The following ZNF431 variants were observed in gnomAD, a reference collection of about 807,000 sequenced individuals.
The protein encoded by ZNF431 is zinc finger protein 431.
In ZNF431, 34 loss-of-function variants were observed where a neutral mutation model predicts 57.0. The observed-to-expected ratio is 0.60, with a 90% CI of 0.45 to 0.79. The LOEUF is 0.79. ZNF431 is among the 30% of genes least tolerant of loss of function. The probability of loss-of-function intolerance (pLI) is 0.00; values close to 1 mark genes in which losing one functional copy is unlikely to be tolerated. For missense variants in ZNF431, 607 were observed against 667.1 expected, an observed-to-expected ratio of 0.91 and a Z score of 0.99; for synonymous variants, 207 against 220.3, an observed-to-expected ratio of 0.94 and a Z score of 0.54.
At chr19:21,152,251 A>G (rs889623512) in intron 2 of ZNF431, among the ~76,000 whole-genome samples, 1 of 152,192 alleles carries the variant, frequency 6.6e-6, no homozygotes, top group East Asian at 1.9e-4. Flanking sequence ...AAAAGAGAGA[A>G]AAAGCATTGT....
Position 21,165,437 on chromosome 19 carries a change from A to ATAT in ZNF431, c.97-898_97-897insTAT, listed in dbSNP as rs749005707. ...CGGGAGATATCTTGACCTTTGCATAAAACTGATTTTTTAATGGTTAAATTC... is the reference window on the plus strand; with the variant it reads ...CGGGAGATATCTTGACCTTTGCATAATATAACTGATTTTTTAATGGTTAAATTC... On this transcript the variant is annotated intron_variant, in intron 2 of 4. Coordinates refer to ENST00000311048, the MANE Select transcript of ZNF431 (RefSeq NM_133473.4). Among the ~76,000 whole-genome samples the ATAT allele has an allele frequency of 2.6e-5, 4 of 152,348 alleles. No homozygotes were observed. The East Asian group carries it at 7.7e-4, about 29-fold the overall frequency.
chr19:21,158,174 T>C (rs1970473529), intron 2 of ZNF431, among the ~76,000 whole-genome samples: 2 of 152,114 alleles, frequency 1.3e-5, no homozygotes, highest in Admixed American at 1.3e-4. Context: ...CATAACATGT[T>C]TTTTTAATTT....
At chr19:21,147,724 A>C (rs1486921005) in intron 2 of ZNF431, among the ~76,000 whole-genome samples, 1 of 152,124 alleles carries the variant, frequency 6.6e-6, no homozygotes, top group Non-Finnish European at 1.5e-5. Flanking sequence ...ATGTTCTTAG[A>C]AGAGACATAA....
chr19:21,142,210 C>T (rs1969958675), intron 1 of ZNF431, 24 bp downstream of exon 1: 2 of 1,613,040 alleles, frequency 1.2e-6, no homozygotes, highest in East Asian at 2.2e-5. Context: ...GTCGGACATC[C>T]CGAGAGAGGG....
At chr19:21,175,887 C>T (rs2145028360) in intron 4 of ZNF431, among the ~76,000 whole-genome samples, 3 of 152,290 alleles carry the variant, frequency 2.0e-5, no homozygotes, top group Middle Eastern at 6.8e-3. Context: ...AATGAAGATA[C>T]ACATCCATGT....
Position 21,189,988 on chromosome 19 carries a change from A to G in ZNF431, c.*5954A>G. On this transcript the variant is annotated 3_prime_UTR_variant, in exon 5 of 5. Coordinates refer to ENST00000311048, the MANE Select transcript of ZNF431 (RefSeq NM_133473.4). Reference sequence around the variant, plus strand: ...GAAAAACCCCATCTCTACTAAAAATACAAAAACAACAAAACAAAAACAAAA... The same window carrying G: ...GAAAAACCCCATCTCTACTAAAAATGCAAAAACAACAAAACAAAAACAAAA... 2.5e-6 allele frequency: 1 copy of G among 396,420 alleles called. No homozygotes were observed. The highest frequency in any genetic ancestry group is 4.4e-6 in the Non-Finnish European group (1 of 225,164). The allele number at this position is 396,420 out of a possible 1,614,324, so 24.6% of individuals were successfully genotyped here. A position where few individuals can be genotyped will look rare whatever the true frequency, so the allele number is the denominator to read the frequency against.
chr19:21,161,460 C>T (rs530115963), intron 2 of ZNF431, among the ~76,000 whole-genome samples: 14 of 151,902 alleles, frequency 9.2e-5, no homozygotes, highest in Non-Finnish European at 1.9e-4. Flanking sequence ...CCTAGAAAAC[C>T]TTGAGAGATT....
At chr19:21,174,925 C>G (rs1208580889) in intron 4 of ZNF431, among the ~76,000 whole-genome samples, 1 of 151,892 alleles carries the variant, frequency 6.6e-6, no homozygotes, top group Non-Finnish European at 1.5e-5. Context: ...GGTGTAGTGG[C>G]TAATTTTTGT....
rs761370746 is a variant in ZNF431 at position 21,167,664 on chromosome 19, C to T, written c.317C>T (p.Pro106Leu). The T allele has an allele frequency of 1.9e-5, 30 of 1,552,618 alleles. No homozygotes were observed. Among genetic ancestry groups the T allele is most frequent in the Non-Finnish European group, 2.4e-5 (28 of 1,148,574 alleles). Residue 106 changes from proline (P) to leucine (L), a missense_variant and splice_region_variant, in exon 4 of 5, where the codon CCA (proline) becomes CTA (leucine). Physicochemically the swap from Pro to Leu is moderately conservative, Grantham distance 98. Transcript: ENST00000311048. Reference sequence around the variant, plus strand: ...AGACATGAGATGGTGGATGAACCCCCAGGTAGGTGAGAGTGAAAAAAAACA... The same window carrying T: ...AGACATGAGATGGTGGATGAACCCCTAGGTAGGTGAGAGTGAAAAAAAACA... The part of the protein sequence containing the change: ...MKRHEMVDEP[P>L]AMCSYFTKDL...
At chr19:21,143,419 C>T (rs1969995603) in intron 1 of ZNF431, 132 bp from the exon 2 acceptor site, 1 of 692,528 alleles carries the variant, frequency 1.4e-6, no homozygotes, top group African/African-American at 1.8e-5. Context: ...GGTGATGTGT[C>T]CTCAGCCACC....
At chr19:21,145,726 T>TA (rs1010512456) in intron 2 of ZNF431, among the ~76,000 whole-genome samples, 3 of 151,566 alleles carry the variant, frequency 2.0e-5, no homozygotes, top group Admixed American at 6.6e-5. Context: ...TAGATTTATG[T>TA]AAAAAAAAAT....
chr19:21,164,504 T>C (rs1422160253), intron 2 of ZNF431, among the ~76,000 whole-genome samples: 1 of 152,172 alleles, frequency 6.6e-6, no homozygotes, highest in Admixed American at 6.6e-5. Flanking sequence ...TTGGTCTTGG[T>C]CCTTCTGTGT....
At position 21,183,646 on chromosome 19, in the gene ZNF431, T is replaced by C. The variant is rs773358498; in HGVS notation, c.1343T>C (p.Ile448Thr). Residue 448 changes from isoleucine (I) to threonine (T), a missense_variant, in exon 5 of 5, where the codon ATA becomes ACA. Ile to Thr is a moderately conservative substitution (Grantham distance 89). Transcript: ENST00000311048. ...TCCCCACAACTTACTGCACATAAGATAATTCATACTGGAGAGAAACCTTAC... is the reference window on the plus strand; with the variant it reads ...TCCCCACAACTTACTGCACATAAGACAATTCATACTGGAGAGAAACCTTAC... ...NRSPQLTAHK[I>T]IHTGEKPYKC... 6.8e-6 allele frequency: 11 copies of C among 1,612,944 alleles called. No individual in the cohort carries two copies. Among genetic ancestry groups the C allele is most frequent in the Middle Eastern group, 1.6e-4 (1 of 6,084 alleles).
chr19:21,153,058 G>T (rs1412601761), intron 2 of ZNF431, among the ~76,000 whole-genome samples: 4 of 152,188 alleles, frequency 2.6e-5, no homozygotes, highest in Non-Finnish European at 2.9e-5. Flanking sequence ...TAAACAAGGG[G>T]TGGAATATTT....
At chr19:21,167,431 T>A in intron 3 of ZNF431, 140 bp from the exon 4 acceptor site, 1 of 431,938 alleles carries the variant, frequency 2.3e-6, no homozygotes, top group Non-Finnish European at 3.5e-6. Flanking sequence ...AGTGCTGAGA[T>A]AACAGGTGTG....
Position 21,188,978 on chromosome 19 carries a change from T to C in ZNF431, c.*4944T>C, listed in dbSNP as rs1971445660. ...TATCAGAAGTTTCTATGGTTATGAT[T>C]AAAAAATTAAATGACAATAATAGCC... On this transcript the variant is annotated 3_prime_UTR_variant, in exon 5 of 5. Transcript: ENST00000311048. 6.6e-6 allele frequency: 1 copy of C among 152,182 alleles called. No individual in the cohort carries two copies. Among genetic ancestry groups the C allele is most frequent in the South Asian group, 2.1e-4 (1 of 4,824 alleles). The allele number at this position is 152,182 out of a possible 1,614,324, so 9.4% of individuals were successfully genotyped here.
intron 4 of ZNF431, among the ~76,000 whole-genome samples, chr19:21,170,462 C>T (rs1400630853): frequency 6.6e-6 from 1 of 152,120 alleles, no homozygotes; most frequent in South Asian, 2.1e-4. Context: ...TAGATTCAGA[C>T]ATTTAGGACA....
At chr19:21,158,536 A>G (rs1336383256) in intron 2 of ZNF431, among the ~76,000 whole-genome samples, 2 of 152,116 alleles carry the variant, frequency 1.3e-5, no homozygotes, top group Non-Finnish European at 2.9e-5. Flanking sequence ...CATTCTTGTT[A>G]TAGAGATCTT....
At chr19:21,158,345 A>G (rs542252856) in intron 2 of ZNF431, among the ~76,000 whole-genome samples, 2 of 151,952 alleles carry the variant, frequency 1.3e-5, no homozygotes, top group South Asian at 4.2e-4. Flanking sequence ...TTACAGTCAC[A>G]TGCCACCATG....
Sources: gnomAD v4.1 joint callset for allele counts (sites outside exome capture counted in the v4.1 genomes callset) on GRCh38, gnomAD v4.1.1 for gene constraint, MANE v1.5 for transcripts, NCBI Gene and HGNC (gene_info 2026-07-23, HGNC 2026-07-21) for gene names.